TLK1: variants seen among roughly 807,000 people sequenced by gnomAD.
The protein encoded by TLK1 is tousled like kinase 1, also known as serine/threonine-protein kinase tousled-like 1.
A neutral mutation model predicts 105.3 loss-of-function variants in TLK1; 24 were observed. The observed-to-expected ratio is 0.23, with a 90% CI of 0.17 to 0.32. The LOEUF (loss-of-function observed/expected upper bound fraction) is 0.32. Ranked by LOEUF, TLK1 falls within the 10% of genes least tolerant of loss-of-function variation. The pLI is 1.00. For synonymous variants in TLK1, 321 were observed against 310.4 expected, an observed-to-expected ratio of 1.03 and a Z score of -0.36; for missense variants, 558 against 910.5, an observed-to-expected ratio of 0.61 and a Z score of 4.98.
At chr2:171,163,211 TTATC>T (rs1382443513), upstream of TLK1, among the ~76,000 whole-genome samples, 1 of 152,244 alleles carries the variant, frequency 6.6e-6, no homozygotes, top group Non-Finnish European at 1.5e-5. Context: ...CCACACTTGT[TTATC>T]CATTAAACTA....
upstream of TLK1, among the ~76,000 whole-genome samples, chr2:171,165,185 C>T (rs868234173): frequency 1.3e-5 from 2 of 152,116 alleles, no homozygotes; most frequent in African/African-American, 4.8e-5. Flanking sequence ...ATGAACTGAG[C>T]AAGTAAAAGG....
intron 3 of TLK1, among the ~76,000 whole-genome samples, chr2:171,075,712 A>C (rs1315593825): frequency 6.6e-6 from 1 of 152,204 alleles, no homozygotes; most frequent in Non-Finnish European, 1.5e-5. Context: ...AAGCAGATAA[A>C]TGTATCCTAG....
chr2:171,159,474 A>C (rs1438587791), intron 1 of TLK1: 2 of 152,220 alleles, frequency 1.3e-5, no homozygotes, highest in Non-Finnish European at 2.9e-5. Context: ...TGCTTGCAAG[A>C]AGCCAGAAAA....
intron 1 of TLK1, among the ~76,000 whole-genome samples, chr2:171,125,770 A>C (rs936722413): frequency 6.6e-6 from 1 of 152,234 alleles, no homozygotes; most frequent in African/African-American, 2.4e-5. Flanking sequence ...GTGATTGGTT[A>C]CATGAATAAG....
chr2:171,166,830 C>T (rs1022290353), intron 1 of TLK1, among the ~76,000 whole-genome samples: 3 of 152,088 alleles, frequency 2.0e-5, no homozygotes, highest in South Asian at 2.1e-4. Context: ...CCCAAATGTC[C>T]GTCAACAAGA....
At position 171,109,002 on chromosome 2, in the gene TLK1, C is replaced by T. The variant is rs578019188; in HGVS notation, c.258+8737G>A. On this transcript the variant is annotated intron_variant, in intron 2 of 20. Transcript: ENST00000431350. ...ATTAACAGTAAGTAGTATACAGTCACAAAAAGAATAGAACAAGAGATACAC... is the reference window on the plus strand; with the variant it reads ...ATTAACAGTAAGTAGTATACAGTCATAAAAAGAATAGAACAAGAGATACAC... 4.6e-5 allele frequency among the ~76,000 whole-genome samples: 7 copies of T among 152,182 alleles called. No homozygotes were observed. In the East Asian group the frequency reaches 9.6e-4, roughly 21 times the overall value.
chr2:171,080,929 G>C (rs571855502), intron 3 of TLK1, among the ~76,000 whole-genome samples: 1 of 152,100 alleles, frequency 6.6e-6, no homozygotes, highest in African/African-American at 2.4e-5. Context: ...GGCTGGTCTC[G>C]AACTCCTGGT....
At chr2:171,200,446 C>T (rs1024534366) in intron 1 of TLK1, among the ~76,000 whole-genome samples, 1 of 152,146 alleles carries the variant, frequency 6.6e-6, no homozygotes, top group African/African-American at 2.4e-5. Context: ...GAATGACTTG[C>T]GCAGCCCACA....
chr2:171,154,520 T>C (rs929463141), intron 1 of TLK1: 2 of 152,098 alleles, frequency 1.3e-5, no homozygotes, highest in African/African-American at 4.8e-5. Flanking sequence ...AAATGAGAGG[T>C]TTGTACTAGA....
At chr2:171,164,607 A>G (rs1692573757), upstream of TLK1, among the ~76,000 whole-genome samples, 3 of 152,248 alleles carry the variant, frequency 2.0e-5, no homozygotes, top group Admixed American at 1.3e-4. Flanking sequence ...TGTAAAACAA[A>G]TCATGTATTT....
chr2:170,996,923 G>A (rs560806870), intron 19 of TLK1, among the ~76,000 whole-genome samples, 163 bp from the exon 20 acceptor site: 3 of 152,236 alleles, frequency 2.0e-5, no homozygotes, highest in East Asian at 3.9e-4. Context: ...ATACAAACAA[G>A]CTATAATTGA....
intron 12 of TLK1, among the ~76,000 whole-genome samples, chr2:171,021,430 C>T (rs967790130): frequency 9.1e-5 from 13 of 143,008 alleles, no homozygotes; most frequent in African/African-American, 3.1e-4. Flanking sequence ...TTTCCCGCCC[C>T]GACTTTTTTT....
intron 19 of TLK1, 118 bp from the exon 20 acceptor site, chr2:170,996,878 C>A: frequency 1.2e-6 from 1 of 823,940 alleles, no homozygotes; most frequent in Non-Finnish European, 1.8e-6. Flanking sequence ...GTTCTAAAAT[C>A]TTCCTCAGTT....
At position 171,038,042 on chromosome 2, in the gene TLK1, A is replaced by T. The variant is rs546737306; in HGVS notation, c.1169+8132T>A. 7.9e-5 allele frequency among the ~76,000 whole-genome samples: 12 copies of T among 152,332 alleles called. No individual in the cohort carries two copies. In the South Asian group the frequency reaches 1.4e-3, roughly 18 times the overall value. ...GATTCACTTTATTTAATAGTTACAG[A>T]ACTATGTGGATTTTGTTTCTTCTAC... On this transcript the variant is annotated intron_variant, in intron 11 of 20. Coordinates refer to ENST00000431350, the MANE Select transcript of TLK1 (RefSeq NM_012290.5).
chr2:171,053,728 C>T, intron 8 of TLK1, 33 bp downstream of exon 8: 1 of 1,481,910 alleles, frequency 6.7e-7, no homozygotes, highest in Non-Finnish European at 9.2e-7. Flanking sequence ...ATAATTTATT[C>T]AATTTTTTTC....
intron 1 of TLK1, among the ~76,000 whole-genome samples, chr2:171,144,688 AG>A (rs1691721063): frequency 6.6e-6 from 1 of 152,184 alleles, no homozygotes; most frequent in Non-Finnish European, 1.5e-5. Context: ...GGAAATTTAC[AG>A]CTATAATGCC....
chr2:171,020,177 G>A (rs1247240754), intron 12 of TLK1, among the ~76,000 whole-genome samples: 2 of 151,630 alleles, frequency 1.3e-5, no homozygotes, highest in East Asian at 1.9e-4. Context: ...TTTCACAAAC[G>A]ATTTATAATG....
chr2:171,191,175 TTA>T (rs1389305734), intron 1 of TLK1, among the ~76,000 whole-genome samples: 2 of 151,394 alleles, frequency 1.3e-5, no homozygotes, highest in Admixed American at 1.3e-4. Flanking sequence ...AAAAAAAAAT[TTA>T]TGTTCTTCTT....
intron 2 of TLK1, among the ~76,000 whole-genome samples, chr2:171,083,535 A>C (rs1434020243): frequency 6.6e-6 from 1 of 152,210 alleles, no homozygotes; most frequent in Non-Finnish European, 1.5e-5. Context: ...CCATCAGTAC[A>C]TCAGATCATA....
Sources: allele counts gnomAD v4.1 joint callset (sites outside exome capture counted in the v4.1 genomes callset), GRCh38; gene constraint gnomAD v4.1.1; transcripts MANE v1.5; gene names NCBI Gene and HGNC (gene_info 2026-07-23, HGNC 2026-07-21).